The following NSMCE1 variants were observed in gnomAD, a reference collection of about 807,000 sequenced individuals.
NSMCE1 encodes non-structural maintenance of chromosomes element 1 homolog.
NSMCE1 carries 18 observed loss-of-function variants against 29.6 expected under a neutral mutation model. That is an observed-to-expected ratio of 0.61 (90% CI 0.42 to 0.90). The LOEUF (loss-of-function observed/expected upper bound fraction) is 0.90, where lower values mean the gene tolerates loss of function less well. Among genes scored for constraint, NSMCE1 ranks in the 40% least tolerant of loss-of-function variants. The pLI, the probability that NSMCE1 is intolerant of heterozygous loss-of-function variation, is 0.00. For missense variants in NSMCE1, 314 were observed against 343.6 expected, an observed-to-expected ratio of 0.91 and a Z score of 0.68; for synonymous variants, 124 against 133.4, an observed-to-expected ratio of 0.93 and a Z score of 0.49.
chr16:27,225,641 G>GC, intron 7 of NSMCE1, 85 bp downstream of exon 7: 2 of 1,537,856 alleles, frequency 1.3e-6, no homozygotes, highest in Non-Finnish European at 1.8e-6. Context: ...GCCCTTCAGG[G>GC]CCCTGTCTCC....
chr16:27,235,447 A>G (rs1481489914), intron 2 of NSMCE1, 148 bp from the exon 3 acceptor site: 7 of 786,938 alleles, frequency 8.9e-6, no homozygotes, highest in South Asian at 6.6e-5. Flanking sequence ...GTGAACGCCA[A>G]TGCCACGTGG....
At chr16:27,229,557 G>A (rs2083741238) in intron 5 of NSMCE1, among the ~76,000 whole-genome samples, 1 of 152,212 alleles carries the variant, frequency 6.6e-6, no homozygotes, top group Non-Finnish European at 1.5e-5. Context: ...CTCAGACTGA[G>A]GCAGGAGCTG....
intron 1 of NSMCE1, among the ~76,000 whole-genome samples, chr16:27,263,756 C>T (rs774034852): frequency 2.6e-5 from 4 of 152,158 alleles, no homozygotes; most frequent in African/African-American, 9.7e-5. Flanking sequence ...TAAAATTCAA[C>T]ATGTACCTAC....
intron 1 of NSMCE1, chr16:27,258,232 T>C (rs899485790): frequency 2.0e-5 from 3 of 152,260 alleles, no homozygotes; most frequent in African/African-American, 4.8e-5. Context: ...ACTAACAAAA[T>C]GGGATCTTTC....
chr16:27,263,080 C>T (rs191191320), intron 1 of NSMCE1, among the ~76,000 whole-genome samples: 31 of 152,266 alleles, frequency 2.0e-4, no homozygotes, highest in Non-Finnish European at 4.1e-4. Flanking sequence ...AAAAGGGAAA[C>T]TTATATACTG....
At chr16:27,236,078 A>G (rs902500515) in intron 2 of NSMCE1, among the ~76,000 whole-genome samples, 13 of 152,152 alleles carry the variant, frequency 8.5e-5, no homozygotes, top group African/African-American at 3.1e-4. Flanking sequence ...GGATGCTCAC[A>G]GCCCAGGGGC....
chr16:27,251,179 TA>T (rs1567281198), intron 2 of NSMCE1, among the ~76,000 whole-genome samples: 1 of 53,530 alleles, frequency 1.9e-5, no homozygotes, highest in African/African-American at 1.7e-4. Context: ...TATATATATA[TA>T]TATATATATA....
intron 6 of NSMCE1, chr16:27,226,518 A>T (rs2083693677): frequency 7.5e-6 from 4 of 533,616 alleles, no homozygotes; most frequent in Admixed American, 3.5e-5. Flanking sequence ...ACCAGGGAGG[A>T]GGGCGGCAGT....
intron 2 of NSMCE1, chr16:27,241,669 C>T (rs1037005423): frequency 2.8e-5 from 6 of 216,624 alleles, no homozygotes; most frequent in Non-Finnish European, 5.9e-5. Flanking sequence ...CCAAGCATGG[C>T]CAGTGAACAA....
chr16:27,229,832 G>T (rs939492831), intron 5 of NSMCE1, among the ~76,000 whole-genome samples: 5 of 152,164 alleles, frequency 3.3e-5, no homozygotes, highest in African/African-American at 9.7e-5. Flanking sequence ...ACCCGCCTTG[G>T]CCTCCCAAAA....
chr16:27,234,868 C>T (rs1050140024), intron 3 of NSMCE1, among the ~76,000 whole-genome samples: 3 of 152,188 alleles, frequency 2.0e-5, no homozygotes, highest in African/African-American at 4.8e-5. Flanking sequence ...CGTGGGTGAA[C>T]GGGGAGTCGG....
chr16:27,263,332 G>C (rs2084182533), intron 1 of NSMCE1, among the ~76,000 whole-genome samples: 1 of 152,164 alleles, frequency 6.6e-6, no homozygotes, highest in South Asian at 2.1e-4. Flanking sequence ...AGAAAATGTG[G>C]TACCTATACA....
rs1242418900 is a variant in NSMCE1, at chr16:27,251,187, TATAAATATATATATATATATAA to T, written c.136+6226_136+6247del. On this transcript the variant is annotated intron_variant, in intron 2 of 7. Coordinates refer to ENST00000361439, the MANE Select transcript of NSMCE1 (RefSeq NM_145080.4). ...ATATATATATATATATATATATATA[TATAAATATATATATATATATAA>T]AACTCTGTAGAGTTCAGACTCCTCA... 1.9e-4 allele frequency among the ~76,000 whole-genome samples: 10 copies of T among 52,798 alleles called. 1 individual carries two copies. Among genetic ancestry groups the T allele is most frequent in the African/African-American group, 1.6e-3 (8 of 4,880 alleles). 34.6% of individuals were successfully genotyped at this position (52,798 alleles called of 152,430 possible). A position where few individuals can be genotyped will look rare whatever the true frequency, so the allele number is the denominator to read the frequency against.
intron 2 of NSMCE1, among the ~76,000 whole-genome samples, chr16:27,254,620 G>T (rs1026465573): frequency 6.6e-6 from 1 of 152,092 alleles, no homozygotes; most frequent in African/African-American, 2.4e-5. Flanking sequence ...GGGGTTCACT[G>T]TGTTGCCCAG....
intron 2 of NSMCE1, among the ~76,000 whole-genome samples, chr16:27,242,316 C>T (rs2083904274): frequency 6.6e-6 from 1 of 152,166 alleles, no homozygotes; most frequent in Non-Finnish European, 1.5e-5. Flanking sequence ...ATTTTAATAA[C>T]GTATGGTTTT....
At chr16:27,247,588 T>A (rs1186284350) in intron 2 of NSMCE1, among the ~76,000 whole-genome samples, 1 of 152,100 alleles carries the variant, frequency 6.6e-6, no homozygotes, top group Non-Finnish European at 1.5e-5. Context: ...CACTGAACCA[T>A]CCTGTCATTA....
intron 2 of NSMCE1, among the ~76,000 whole-genome samples, chr16:27,236,292 CTTTT>C (rs35108912): frequency 0.017 from 1,542 of 92,106 alleles, 30 homozygotes; most frequent in African/African-American, 0.07. Context: ...TGCTGTGAAA[CTTTT>C]TTTTTTTTTT....
chr16:27,226,522 C>T (rs2083693887), intron 6 of NSMCE1, 198 bp downstream of exon 6: 6 of 536,166 alleles, frequency 1.1e-5, no homozygotes, highest in Admixed American at 3.5e-5. Flanking sequence ...GGGAGGAGGG[C>T]GGCAGTGCGT....
Position 27,225,807 on chromosome 16 carries a change from G to GT in NSMCE1, c.639dup (p.Pro214ThrfsTer12), listed in dbSNP as rs1225001185. On this transcript the variant is annotated frameshift_variant, in exon 7 of 8. Transcript: ENST00000361439. LOFTEE classifies it high-confidence loss of function. The stretch of plus-strand genomic sequence containing the variant: ...GACTGGAAGTACTTGGCCACGCAGG[G>GT]TAAGTGCATCCTGATCCCACAGGTT... The GT allele has an allele frequency of 6.2e-7, 1 of 1,614,134 alleles. No homozygotes were observed. The highest frequency in any genetic ancestry group is 8.5e-7 in the Non-Finnish European group (1 of 1,179,968).
Sources: allele counts gnomAD v4.1 joint callset (sites outside exome capture counted in the v4.1 genomes callset), GRCh38; gene constraint gnomAD v4.1.1; transcripts MANE v1.5; gene names NCBI Gene and HGNC (gene_info 2026-07-23, HGNC 2026-07-21).